DLG2: variants seen among roughly 807,000 people sequenced by gnomAD.
DLG2 encodes discs large MAGUK scaffold protein 2.
A neutral mutation model predicts 132.5 loss-of-function variants in DLG2; 45 were observed. That is an observed-to-expected ratio of 0.34 (90% CI 0.27 to 0.44). DLG2 has a LOEUF of 0.44. Ranked by LOEUF, DLG2 falls within the 20% of genes least tolerant of loss-of-function variation. The pLI is 1.00. For missense variants in DLG2, 1,045 were observed against 1,196.9 expected (o/e 0.87, Z 1.87); for synonymous variants, 424 against 419.6 (o/e 1.01, Z -0.13).
In DLG2 at chr11:83,962,918, G is replaced by A. The variant is rs2089222123; in HGVS notation, c.1307C>T (p.Pro436Leu). Residue 436 changes from proline to leucine, a missense_variant, in exon 14 of 28, where the codon CCA (proline) becomes CTA (leucine). Transcript: ENST00000376104. ...GTCGTCGTCAACAAGCATGTGCTTT[G>A]GAATTGGTGAGTACCTTCCTGGAGA... ...PISPGRYSPIPKHMLVDDDYT... is the reference protein window; with the variant it reads ...PISPGRYSPILKHMLVDDDYT... The A allele has an allele frequency of 1.5e-5, 25 of 1,612,926 alleles. No homozygotes were observed. Among genetic ancestry groups the A allele is most frequent in the Non-Finnish European group, 2.1e-5 (25 of 1,179,188 alleles).
chr11:84,798,935 T>A (rs1351566334), intron 6 of DLG2, among the ~76,000 whole-genome samples: 4 of 152,088 alleles, frequency 2.6e-5, no homozygotes, highest in African/African-American at 7.2e-5. Context: ...TAAGCTGGTA[T>A]CCAAGATGCA....
At chr11:84,122,562 C>T (rs574154260) in intron 9 of DLG2, among the ~76,000 whole-genome samples, 1 of 137,192 alleles carries the variant, frequency 7.3e-6, no homozygotes, top group South Asian at 2.6e-4. Context: ...TTTTGAACTT[C>T]CATGCTCCTA....
chr11:84,688,858 G>A (rs1382069770), intron 6 of DLG2, among the ~76,000 whole-genome samples: 1 of 152,070 alleles, frequency 6.6e-6, no homozygotes, highest in Non-Finnish European at 1.5e-5. Flanking sequence ...TCCTGGTGGA[G>A]GACTATGAAA....
intron 18 of DLG2, among the ~76,000 whole-genome samples, chr11:83,653,237 A>G (rs1161477224): frequency 1.3e-5 from 2 of 152,250 alleles, no homozygotes; most frequent in African/African-American, 4.8e-5. Flanking sequence ...AACAACTACA[A>G]ACTGAAGAAA....
chr11:84,384,892 A>ACAT (rs1395971251), intron 7 of DLG2, among the ~76,000 whole-genome samples: 4 of 152,116 alleles, frequency 2.6e-5, no homozygotes, highest in African/African-American at 9.7e-5. Context: ...AGTTCATGAT[A>ACAT]CATTCAAAGG....
At chr11:83,782,487 T>C (rs752586788) in intron 18 of DLG2, among the ~76,000 whole-genome samples, 1 of 152,116 alleles carries the variant, frequency 6.6e-6, no homozygotes, top group Non-Finnish European at 1.5e-5. Flanking sequence ...ACATACAGTT[T>C]TGGGGAACTC....
At chr11:85,430,225 A>T (rs1257478547) in intron 3 of DLG2, among the ~76,000 whole-genome samples, 7 of 132,610 alleles carry the variant, frequency 5.3e-5, no homozygotes, top group Non-Finnish European at 9.6e-5. Context: ...GGGGGGAGGG[A>T]TAGCATTAGG....
chr11:85,252,585 C>CA (rs901540692), intron 4 of DLG2, among the ~76,000 whole-genome samples: 2 of 151,114 alleles, frequency 1.3e-5, no homozygotes, highest in African/African-American at 4.9e-5. Flanking sequence ...GACTCTGTCT[C>CA]AAAAAAATAA....
At chr11:85,332,921 T>C (rs1253850134) in intron 3 of DLG2, among the ~76,000 whole-genome samples, 1 of 152,174 alleles carries the variant, frequency 6.6e-6, no homozygotes, top group African/African-American at 2.4e-5. Flanking sequence ...TTAGGATTAC[T>C]TTGGCTATTC....
chr11:85,057,255 G>C (rs1593351589), intron 6 of DLG2, among the ~76,000 whole-genome samples: 1 of 151,528 alleles, frequency 6.6e-6, no homozygotes, highest in East Asian at 1.9e-4. Flanking sequence ...TGTAAAATTG[G>C]AATTGCTTAG....
chr11:83,796,081 C>T (rs1246737922), intron 17 of DLG2, among the ~76,000 whole-genome samples: 1 of 152,194 alleles, frequency 6.6e-6, no homozygotes, highest in Non-Finnish European at 1.5e-5. Context: ...CTTATTGGAA[C>T]TTGTGTTCCT....
intron 7 of DLG2, among the ~76,000 whole-genome samples, chr11:84,438,693 G>A (rs1450207435): frequency 6.6e-6 from 1 of 152,148 alleles, no homozygotes; most frequent in Non-Finnish European, 1.5e-5. Flanking sequence ...AATGCTAAGA[G>A]ACAACTGTTT....
At chr11:85,013,588 G>A (rs1055850312) in intron 6 of DLG2, among the ~76,000 whole-genome samples, 10 of 152,152 alleles carry the variant, frequency 6.6e-5, no homozygotes, top group Admixed American at 5.2e-4. Context: ...TGAAAAGTAT[G>A]AGTGCAATTG....
intron 6 of DLG2, among the ~76,000 whole-genome samples, chr11:84,564,722 A>T (rs2099444236): frequency 6.6e-6 from 1 of 152,188 alleles, no homozygotes; most frequent in African/African-American, 2.4e-5. Context: ...AATATTACCT[A>T]AGGTGTCTCC....
chr11:84,203,860 T>A (rs1019420003), intron 8 of DLG2, among the ~76,000 whole-genome samples: 3 of 152,174 alleles, frequency 2.0e-5, no homozygotes, highest in Non-Finnish European at 2.9e-5. Flanking sequence ...GGATGACCTG[T>A]GCAGCAAACC....
chr11:84,025,019 A>C (rs10898190), intron 11 of DLG2, among the ~76,000 whole-genome samples: 45,431 of 151,988 alleles, frequency 0.3, 7,096 homozygotes, highest in East Asian at 0.52. Flanking sequence ...TTATACAATT[A>C]TAAGTTGTCA....
At chr11:84,166,500 CAAA>C (rs398016937) in intron 8 of DLG2, among the ~76,000 whole-genome samples, 2 of 81,038 alleles carry the variant, frequency 2.5e-5, no homozygotes, top group African/African-American at 4.8e-5. Context: ...GACTCTGCTT[CAAA>C]AAAAAAAAAA....
At chr11:84,032,836 C>T (rs1291444829) in intron 11 of DLG2, among the ~76,000 whole-genome samples, 6 of 152,114 alleles carry the variant, frequency 3.9e-5, no homozygotes, top group Non-Finnish European at 1.5e-5. Context: ...ATTTACCAAT[C>T]CCCAAATCCT....
chr11:83,889,058 T>C lies in DLG2; in HGVS notation c.1497-14570A>G, dbSNP rs1470233646. On this transcript the variant is annotated intron_variant, in intron 15 of 27. Coordinates refer to ENST00000376104, the MANE Select transcript of DLG2 (RefSeq NM_001142699.3). ...GACATAGGCATGGGCAAGGACTTCATGTCTAAAACACCAAAAGCAATGGCA... is the reference window on the plus strand; with the variant it reads ...GACATAGGCATGGGCAAGGACTTCACGTCTAAAACACCAAAAGCAATGGCA... Among the ~76,000 whole-genome samples the C allele has an allele frequency of 5.3e-5, 8 of 152,256 alleles. No homozygotes were observed. The East Asian group carries it at 1.2e-3, about 22-fold the overall frequency.
Sources: allele counts gnomAD v4.1 joint callset (sites outside exome capture counted in the v4.1 genomes callset), GRCh38; gene constraint gnomAD v4.1.1; transcripts MANE v1.5; gene names NCBI Gene and HGNC (gene_info 2026-07-23, HGNC 2026-07-21).